Variants in ABI1 observed in about 807,000 individuals in gnomAD.
ABI1 encodes Abelson interactor 1.
Under a neutral mutation model 54.6 loss-of-function variants are expected in ABI1, and 14 were observed. The ratio of observed to expected loss-of-function variants is 0.26; its 90% confidence interval spans 0.17 to 0.40. The LOEUF (loss-of-function observed/expected upper bound fraction) is 0.40, where lower values mean the gene tolerates loss of function less well. Ranked by LOEUF, ABI1 falls within the 10% of genes least tolerant of loss-of-function variation. The pLI is 1.00. For missense variants in ABI1, 443 were observed against 598.3 expected, an observed-to-expected ratio of 0.74 and a Z score of 2.71; for synonymous variants, 194 against 209.3, an observed-to-expected ratio of 0.93 and a Z score of 0.63.
chr10:26,843,216 G>T (rs1241762189), intron 1 of ABI1, among the ~76,000 whole-genome samples: 2 of 151,522 alleles, frequency 1.3e-5, no homozygotes, highest in African/African-American at 4.8e-5. Context: ...ACTCTGGAAG[G>T]ATGAGGTGGG....
intron 1 of ABI1, among the ~76,000 whole-genome samples, chr10:26,853,651 G>A (rs568786382): frequency 9.3e-5 from 14 of 150,380 alleles, no homozygotes; most frequent in South Asian, 2.1e-4. Flanking sequence ...CCATTCAGCC[G>A]CCTCAGCCTC....
chr10:26,854,027 C>G (rs10829117), intron 1 of ABI1, among the ~76,000 whole-genome samples: 39,111 of 152,084 alleles, frequency 0.26, 5,726 homozygotes, highest in South Asian at 0.44. Flanking sequence ...AATAAGGTTA[C>G]TGTAAATGGT....
At chr10:26,835,088 C>CAAA (rs201431383) in intron 1 of ABI1, among the ~76,000 whole-genome samples, 73 of 32,040 alleles carry the variant, frequency 2.3e-3, no homozygotes, top group African/African-American at 5.2e-3. Context: ...GATTCTACCT[C>CAAA]AAAAAAAAAA....
At chr10:26,807,224 A>G (rs188723477) in intron 2 of ABI1, among the ~76,000 whole-genome samples, 1 of 152,346 alleles carries the variant, frequency 6.6e-6, no homozygotes, top group Non-Finnish European at 1.5e-5. Context: ...CTGTAATCCC[A>G]GCACTTTTGG....
At chr10:26,750,166 A>G (rs992691637) in intron 10 of ABI1, among the ~76,000 whole-genome samples, 1 of 152,250 alleles carries the variant, frequency 6.6e-6, no homozygotes, top group African/African-American at 2.4e-5. Flanking sequence ...CAAGTAGAAT[A>G]TTCAAGACTT....
chr10:26,849,605 G>C (rs1201459039), intron 1 of ABI1, among the ~76,000 whole-genome samples: 1 of 152,154 alleles, frequency 6.6e-6, no homozygotes, highest in Non-Finnish European at 1.5e-5. Context: ...ATTTAGACTT[G>C]AGCATTTGGC....
At chr10:26,811,839 G>A (rs1414246504) in intron 2 of ABI1, among the ~76,000 whole-genome samples, 3 of 151,842 alleles carry the variant, frequency 2.0e-5, no homozygotes, top group South Asian at 2.1e-4. Flanking sequence ...ATAAATTTAT[G>A]CAAAGATTTG....
rs901767927 is a variant in ABI1, at chr10:26,751,748, G to C, written c.1120C>G (p.Pro374Ala). ...TCATCAAACATGGGAATGTCATCTGGTGGAGGTGGTGGCGGTGGAGTTGGA... is the reference window on the plus strand; with the variant it reads ...TCATCAAACATGGGAATGTCATCTGCTGGAGGTGGTGGCGGTGGAGTTGGA... The part of the protein sequence containing the change: ...DSPTPPPPPP[P>A]DDIPMFDDSP... The change falls in exon 10 of 11, where the codon CCA becomes GCA. Residue 374 changes from proline (P) to alanine (A), a missense_variant. This residue lies in a region of ABI1 where 394 missense variants were observed against 484.8 expected (regional missense o/e 0.81). Transcript: ENST00000376140. The C allele has an allele frequency of 6.2e-7, 1 of 1,613,314 alleles. No individual in the cohort carries two copies.
chr10:26,803,898 A>AT (rs2133412676), intron 2 of ABI1, among the ~76,000 whole-genome samples: 1 of 152,322 alleles, frequency 6.6e-6, no homozygotes, highest in East Asian at 1.9e-4. Context: ...AAGAATAGCC[A>AT]TTAAATAAGT....
chr10:26,845,807 T>TAATA (rs2049928139), intron 1 of ABI1, among the ~76,000 whole-genome samples: 2 of 133,820 alleles, frequency 1.5e-5, no homozygotes, highest in South Asian at 5.7e-4. Flanking sequence ...AAAAGAAAAA[T>TAATA]AATAGTCACA....
At position 26,746,820 on chromosome 10, in the gene ABI1, A is replaced by C. The variant is rs1029739825; in HGVS notation, c.*1750T>G. 1 of 383,296 alleles carries C rather than the reference A, an allele frequency of 2.6e-6. No homozygotes were observed. Among genetic ancestry groups the C allele is most frequent in the African/African-American group, 2.0e-5 (1 of 49,172 alleles). The allele number at this position is 383,296 out of a possible 1,614,324, so 23.7% of individuals were successfully genotyped here. A position where few individuals can be genotyped will look rare whatever the true frequency, so the allele number is the denominator to read the frequency against. On this transcript the variant is annotated 3_prime_UTR_variant, in exon 11 of 11. Coordinates refer to ENST00000376140, the MANE Select transcript of ABI1 (RefSeq NM_001012750.3). ...CAAATGGTTTGTCTTGATTTACCGT[A>C]GGAGTAAAGGTCAGAAAAATGTGAA...
chr10:26,823,444 A>C, intron 1 of ABI1, 139 bp from the exon 2 acceptor site: 4 of 704,686 alleles, frequency 5.7e-6, no homozygotes, highest in Non-Finnish European at 6.3e-6. Flanking sequence ...TGATAGTCTC[A>C]GGATACTACT....
chr10:26,847,103 G>A (rs748479589), intron 1 of ABI1, among the ~76,000 whole-genome samples: 3 of 152,144 alleles, frequency 2.0e-5, no homozygotes, highest in Non-Finnish European at 4.4e-5. Flanking sequence ...AAAAGTCGCA[G>A]AATAACTGAG....
At position 26,771,101 on chromosome 10, in the gene ABI1, C is replaced by T. The variant is rs774780941; in HGVS notation, c.463-12G>A. On this transcript the variant is annotated splice_polypyrimidine_tract_variant and intron_variant, in intron 3 of 10. Coordinates refer to ENST00000376140, the MANE Select transcript of ABI1 (RefSeq NM_001012750.3). ...TTGGCTTTTAGCCACTTTACGTTGG[C>T]AAAAAAAGGGGGGGAAAAAGTAGAC... 1.4e-5 allele frequency: 23 copies of T among 1,609,844 alleles called. No individual in the cohort carries two copies. The highest frequency in any genetic ancestry group is 1.8e-5 in the Non-Finnish European group (21 of 1,178,162).
At chr10:26,834,080 A>G (rs1419478251) in intron 1 of ABI1, among the ~76,000 whole-genome samples, 1 of 151,948 alleles carries the variant, frequency 6.6e-6, no homozygotes, top group East Asian at 1.9e-4. Flanking sequence ...AAAAACAAAA[A>G]TTAGCCGGGC....
At chr10:26,810,467 T>C (rs1262243779) in intron 2 of ABI1, among the ~76,000 whole-genome samples, 2 of 152,218 alleles carry the variant, frequency 1.3e-5, no homozygotes, top group African/African-American at 2.4e-5. Context: ...ATGAACACTT[T>C]TTAAATTTTT....
intron 2 of ABI1, among the ~76,000 whole-genome samples, chr10:26,785,260 A>G (rs1842598540): frequency 6.6e-6 from 1 of 152,186 alleles, no homozygotes; most frequent in Non-Finnish European, 1.5e-5. Flanking sequence ...ATTATACTTG[A>G]GTCTTTCATG....
At chr10:26,779,120 T>C (rs763876314) in intron 2 of ABI1, among the ~76,000 whole-genome samples, 1 of 152,236 alleles carries the variant, frequency 6.6e-6, no homozygotes, top group Non-Finnish European at 1.5e-5. Context: ...CATAATTTTC[T>C]ATAGTTTTGG....
At chr10:26,832,087 A>G (rs2048712766) in intron 1 of ABI1, among the ~76,000 whole-genome samples, 2 of 152,230 alleles carry the variant, frequency 1.3e-5, no homozygotes, top group Admixed American at 6.5e-5. Flanking sequence ...GTTAAGCCAC[A>G]AGGAAAAACA....
Sources: gnomAD v4.1 joint callset for allele counts (sites outside exome capture counted in the v4.1 genomes callset) on GRCh38, gnomAD v4.1.1 for gene constraint, gnomAD v4.1.1 regional missense constraint, MANE v1.5 for transcripts, NCBI Gene and HGNC (gene_info 2026-07-23, HGNC 2026-07-21) for gene names.